The following ADGRL2 variants were observed in gnomAD, a reference collection of about 807,000 sequenced individuals.
ADGRL2 encodes adhesion G protein-coupled receptor L2, also known as calcium-independent alpha-latrotoxin receptor 2.
ADGRL2 carries 44 observed loss-of-function variants against 157.4 expected under a neutral mutation model. The observed-to-expected ratio is 0.28, with a 90% CI of 0.22 to 0.36. The LOEUF is 0.36. ADGRL2 is among the 10% of genes least tolerant of loss of function. The pLI, the probability that ADGRL2 is intolerant of heterozygous loss-of-function variation, is 1.00. For synonymous variants in ADGRL2, 585 were observed against 624.7 expected (o/e 0.94, Z 0.95); for missense variants, 1,510 against 1,768.9 (o/e 0.85, Z 2.63).
chr1:81,803,657 A>G (rs2088661611), intron 1 of ADGRL2, among the ~76,000 whole-genome samples: 1 of 152,010 alleles, frequency 6.6e-6, no homozygotes, highest in Non-Finnish European at 1.5e-5. Context: ...CAGGCTGCTT[A>G]GCAGCTTCTC....
intron 2 of ADGRL2, among the ~76,000 whole-genome samples, chr1:81,848,081 T>A (rs1424239537): frequency 6.6e-6 from 1 of 151,824 alleles, no homozygotes; most frequent in Non-Finnish European, 1.5e-5. Context: ...AAGATTTTCT[T>A]CTTCTTAGTG....
intron 1 of ADGRL2, among the ~76,000 whole-genome samples, chr1:81,420,792 T>C (rs1026311701): frequency 7.2e-5 from 11 of 152,034 alleles, no homozygotes; most frequent in Non-Finnish European, 1.5e-4. Context: ...CGGTGGGAAG[T>C]TCAATATTAT....
chr1:81,796,637 C>A (rs1014189474), upstream of ADGRL2, among the ~76,000 whole-genome samples: 20 of 152,078 alleles, frequency 1.3e-4, no homozygotes, highest in African/African-American at 4.3e-4. Context: ...TCTTTATATA[C>A]AATTATGCAT....
chr1:81,771,545 A>T (rs1228265977), intron 2 of ADGRL2, among the ~76,000 whole-genome samples: 1 of 152,184 alleles, frequency 6.6e-6, no homozygotes, highest in Non-Finnish European at 1.5e-5. Flanking sequence ...ATAACTAAAG[A>T]GGAAAAAAAA....
chr1:81,989,214 G>A (rs891339080), intron 23 of ADGRL2, among the ~76,000 whole-genome samples: 5 of 152,064 alleles, frequency 3.3e-5, no homozygotes, highest in African/African-American at 1.2e-4. Context: ...GACTTATCCA[G>A]TCTTTCATTC....
At chr1:81,512,040 C>T (rs1314591055) in intron 2 of ADGRL2, among the ~76,000 whole-genome samples, 3 of 152,056 alleles carry the variant, frequency 2.0e-5, no homozygotes, top group African/African-American at 7.2e-5. Context: ...ATGGCTTTTA[C>T]CTCATCGTGC....
At chr1:81,577,815 G>A (rs954211053) in intron 2 of ADGRL2, among the ~76,000 whole-genome samples, 2 of 152,158 alleles carry the variant, frequency 1.3e-5, no homozygotes, top group African/African-American at 2.4e-5. Flanking sequence ...CTCACTGTGT[G>A]TGTGGGTTTC....
At chr1:81,763,709 C>A (rs1210277237) in intron 2 of ADGRL2, among the ~76,000 whole-genome samples, 2 of 151,366 alleles carry the variant, frequency 1.3e-5, no homozygotes, top group African/African-American at 4.9e-5. Flanking sequence ...ATGGTGAAAC[C>A]CTTTCTCTAC....
intron 1 of ADGRL2, among the ~76,000 whole-genome samples, chr1:81,815,289 A>G (rs1340535252): frequency 6.6e-6 from 1 of 151,824 alleles, no homozygotes; most frequent in Non-Finnish European, 1.5e-5. Context: ...GGCCTTAACT[A>G]AAAAGTTAGC....
chr1:81,910,247 T>TAATAAA (rs1553187028), intron 3 of ADGRL2, among the ~76,000 whole-genome samples: 1 of 103,120 alleles, frequency 9.7e-6, no homozygotes, highest in Non-Finnish European at 2.4e-5. Flanking sequence ...TAAAAAACAA[T>TAATAAA]AATAATAATA....
chr1:81,794,925 A>G (rs992835343), intron 2 of ADGRL2, among the ~76,000 whole-genome samples: 1 of 152,190 alleles, frequency 6.6e-6, no homozygotes, highest in Non-Finnish European at 1.5e-5. Flanking sequence ...CATGACAAAT[A>G]AAGGCCTTTA....
intron 3 of ADGRL2, among the ~76,000 whole-genome samples, chr1:81,692,796 A>G (rs1307849568): frequency 6.6e-6 from 1 of 152,234 alleles, no homozygotes; most frequent in East Asian, 1.9e-4. Flanking sequence ...ATTAGATGTC[A>G]ATAGTTTAAA....
At chr1:81,749,890 G>A (rs1450937152) in intron 1 of ADGRL2, among the ~76,000 whole-genome samples, 1 of 151,954 alleles carries the variant, frequency 6.6e-6, no homozygotes, top group East Asian at 1.9e-4. Flanking sequence ...CTTATAATTG[G>A]CCAATTTCCC....
chr1:81,410,610 C>G (rs2076930543), intron 1 of ADGRL2, among the ~76,000 whole-genome samples: 1 of 152,180 alleles, frequency 6.6e-6, no homozygotes, highest in Non-Finnish European at 1.5e-5. Context: ...CTGACAAGCC[C>G]TGGCCTTAGC....
chr1:81,466,299 G>A (rs773550005), intron 2 of ADGRL2, among the ~76,000 whole-genome samples: 36 of 152,158 alleles, frequency 2.4e-4, no homozygotes, highest in Non-Finnish European at 1.5e-4. Context: ...TAAAAAACAT[G>A]TCTGATTTTC....
intron 3 of ADGRL2, among the ~76,000 whole-genome samples, chr1:81,600,332 A>G (rs1241670567): frequency 6.6e-6 from 1 of 152,226 alleles, no homozygotes; most frequent in African/African-American, 2.4e-5. Flanking sequence ...GAAGAATCTC[A>G]GTGGCTCTAA....
intron 1 of ADGRL2, chr1:81,721,637 C>CGCCTGG: frequency 2.6e-6 from 2 of 775,972 alleles, no homozygotes; most frequent in Non-Finnish European, 4.3e-6. Flanking sequence ...GCCAAGCCAG[C>CGCCTGG]GCCTGGGCCT....
chr1:81,355,612 C>T (rs963788250), intron 1 of ADGRL2, among the ~76,000 whole-genome samples: 1 of 152,120 alleles, frequency 6.6e-6, no homozygotes, highest in African/African-American at 2.4e-5. Context: ...AAACACAACG[C>T]CTGTTGCCAT....
At chr1:81,620,287 G>A (rs919370910) in intron 3 of ADGRL2, among the ~76,000 whole-genome samples, 4 of 151,996 alleles carry the variant, frequency 2.6e-5, no homozygotes, top group African/African-American at 4.8e-5. Flanking sequence ...AAAAAAAGTA[G>A]AATGTACATA....
Sources: allele counts gnomAD v4.1 joint callset (sites outside exome capture counted in the v4.1 genomes callset), GRCh38; gene constraint gnomAD v4.1.1; transcripts MANE v1.5; gene names NCBI Gene and HGNC (gene_info 2026-07-23, HGNC 2026-07-21).